Variants in SLIT3 observed in about 807,000 individuals in gnomAD.
SLIT3 encodes the protein slit homolog 3 protein.
A neutral mutation model predicts 184.0 loss-of-function variants in SLIT3; 68 were observed. That is an observed-to-expected ratio of 0.37 (90% confidence interval 0.30 to 0.45). The LOEUF (loss-of-function observed/expected upper bound fraction) is 0.45. SLIT3 is among the 20% of genes least tolerant of loss of function. SLIT3 has a pLI of 1.00. For synonymous variants in SLIT3, 831 were observed against 828.6 expected (o/e 1.00, Z -0.05); for missense variants, 1,707 against 2,026.0 (o/e 0.84, Z 3.02).
At chr5:168,967,578 T>A (rs1171946174) in intron 4 of SLIT3, among the ~76,000 whole-genome samples, 1 of 142,374 alleles carries the variant, frequency 7.0e-6, no homozygotes, top group East Asian at 2.0e-4. Flanking sequence ...TAGCTGGGAC[T>A]ACAGGCGCCC....
At chr5:168,762,808 A>T in intron 14 of SLIT3, 119 bp from the exon 15 acceptor site, 1 of 992,930 alleles carries the variant, frequency 1.0e-6, no homozygotes, top group Non-Finnish European at 1.5e-6. Flanking sequence ...GTTAGGGGTC[A>T]AGTAACAGAC....
At position 168,916,114 on chromosome 5, in the gene SLIT3, T is replaced by TCAC. The variant is rs531083408; in HGVS notation, c.414-32781_414-32779dup. 5.9e-5 allele frequency among the ~76,000 whole-genome samples: 9 copies of TCAC among 152,154 alleles called. No individual in the cohort carries two copies. The East Asian group carries it at 9.6e-4, about 16-fold the overall frequency. On this transcript the variant is annotated intron_variant, in intron 4 of 35. Coordinates refer to ENST00000519560, the MANE Select transcript of SLIT3 (RefSeq NM_003062.4). ...ATGTCTGTAATTTAAAATGGCAAAATCACCACCACCACCACCACACAAATA... is the reference window on the plus strand; with the variant it reads ...ATGTCTGTAATTTAAAATGGCAAAATCACCACCACCACCACCACCACACAAATA...
chr5:168,750,205 G>A (rs1346362542), intron 18 of SLIT3, among the ~76,000 whole-genome samples: 2 of 152,166 alleles, frequency 1.3e-5, no homozygotes, highest in African/African-American at 4.8e-5. Flanking sequence ...AGAAACTAGC[G>A]TTATGTCATC....
intron 9 of SLIT3, among the ~76,000 whole-genome samples, chr5:168,797,023 C>T (rs140630480): frequency 2.6e-4 from 40 of 151,760 alleles, no homozygotes; most frequent in African/African-American, 8.9e-4. Context: ...GAGACTGCCA[C>T]GATCTATTAA....
At chr5:168,836,788 T>G (rs1451427680) in intron 6 of SLIT3, among the ~76,000 whole-genome samples, 2 of 152,074 alleles carry the variant, frequency 1.3e-5, no homozygotes, top group East Asian at 3.9e-4. Context: ...ACAATTCAAT[T>G]ATCTTCTCCA....
intron 3 of SLIT3, among the ~76,000 whole-genome samples, chr5:169,205,492 G>C (rs991720652): frequency 6.6e-6 from 1 of 152,240 alleles, no homozygotes; most frequent in Non-Finnish European, 1.5e-5. Flanking sequence ...AATGTGTAGT[G>C]CCATGAGAAG....
At chr5:168,763,904 G>A (rs768062645) in intron 14 of SLIT3, among the ~76,000 whole-genome samples, 1 of 152,224 alleles carries the variant, frequency 6.6e-6, no homozygotes, top group South Asian at 2.1e-4. Flanking sequence ...ATTGGGAAGT[G>A]TTTCAGAGAA....
intron 32 of SLIT3, among the ~76,000 whole-genome samples, chr5:168,673,655 A>G (rs1413118476): frequency 5.9e-5 from 9 of 152,204 alleles, no homozygotes; most frequent in Non-Finnish European, 1.0e-4. Context: ...CTAAGGACAG[A>G]GATATTCTCT....
chr5:169,030,307 T>C (rs1756980255), intron 4 of SLIT3: 1 of 152,228 alleles, frequency 6.6e-6, no homozygotes, highest in Non-Finnish European at 1.5e-5. Context: ...CACTTTTCAT[T>C]TGATCCTCCA....
rs1762183797 is a variant in SLIT3, at chr5:168,700,515, G to T, written c.2942+67C>A. 2.4e-5 allele frequency: 27 copies of T among 1,102,938 alleles called. No homozygotes were observed. In the South Asian group the frequency reaches 3.0e-4, roughly 12 times the overall value. The allele number at this position is 1,102,938 out of a possible 1,614,324, so 68.3% of individuals were successfully genotyped here. A position where few individuals can be genotyped will look rare whatever the true frequency, so the allele number is the denominator to read the frequency against. On this transcript the variant is annotated intron_variant, in intron 27 of 35. Transcript: ENST00000519560. ...TTCCTTTATAAATTACCCAGTCTTGGGTATGTCTTTATTAGCAGTGTGAGA... is the reference window on the plus strand; with the variant it reads ...TTCCTTTATAAATTACCCAGTCTTGTGTATGTCTTTATTAGCAGTGTGAGA...
At chr5:168,748,496 T>C (rs1001551110) in intron 19 of SLIT3, 62 bp from the exon 20 acceptor site, 2 of 1,451,176 alleles carry the variant, frequency 1.4e-6, no homozygotes, top group Non-Finnish European at 1.8e-6. Context: ...GGGGAGCCAG[T>C]GAGCAAGGCT....
At chr5:168,803,580 A>T (rs1756844983) in intron 9 of SLIT3, among the ~76,000 whole-genome samples, 1 of 152,170 alleles carries the variant, frequency 6.6e-6, no homozygotes, top group African/African-American at 2.4e-5. Context: ...CTGAGAGTAT[A>T]GAGATGTGAA....
intron 4 of SLIT3, among the ~76,000 whole-genome samples, chr5:168,894,258 C>A (rs1760577171): frequency 6.6e-6 from 1 of 152,136 alleles, no homozygotes; most frequent in Non-Finnish European, 1.5e-5. Flanking sequence ...GGGAGGTTGG[C>A]AATGTAGTGT....
intron 25 of SLIT3, among the ~76,000 whole-genome samples, chr5:168,709,398 T>C (rs1762478040): frequency 1.3e-5 from 2 of 152,188 alleles, no homozygotes; most frequent in Admixed American, 1.3e-4. Flanking sequence ...GCCCGGACCC[T>C]GGCTGCAGTG....
chr5:168,709,541 CT>C (rs1425851246), intron 25 of SLIT3, among the ~76,000 whole-genome samples: 1 of 152,340 alleles, frequency 6.6e-6, no homozygotes, highest in South Asian at 2.1e-4. Context: ...GAGACCTATA[CT>C]GTTCTTGGCC....
At chr5:168,748,207 G>A (rs568714317) in intron 20 of SLIT3, 95 bp downstream of exon 20, 17 of 1,359,906 alleles carry the variant, frequency 1.3e-5, no homozygotes, top group South Asian at 5.7e-5. Flanking sequence ...CGGCAGTTTC[G>A]CCATGTTGCC....
At chr5:168,943,468 C>T (rs1448602334) in intron 4 of SLIT3, among the ~76,000 whole-genome samples, 3 of 152,198 alleles carry the variant, frequency 2.0e-5, no homozygotes, top group African/African-American at 7.2e-5. Flanking sequence ...AAACTGAATT[C>T]ATGCTAGGCT....
intron 6 of SLIT3, among the ~76,000 whole-genome samples, chr5:168,823,978 C>T (rs758062728): frequency 1.8e-4 from 27 of 152,166 alleles, no homozygotes; most frequent in African/African-American, 4.3e-4. Flanking sequence ...GACGGGGTTT[C>T]GCTCTTGTCA....
At chr5:168,776,297 G>A (rs997502798) in intron 12 of SLIT3, among the ~76,000 whole-genome samples, 3 of 152,196 alleles carry the variant, frequency 2.0e-5, no homozygotes, top group African/African-American at 4.8e-5. Flanking sequence ...AGTGACAAGT[G>A]GAAGAAGAAC....
Sources: gnomAD v4.1 joint callset for allele counts (sites outside exome capture counted in the v4.1 genomes callset) on GRCh38, gnomAD v4.1.1 for gene constraint, MANE v1.5 for transcripts, NCBI Gene and HGNC (gene_info 2026-07-23, HGNC 2026-07-21) for gene names.